The following PCSK5 variants were observed in gnomAD, a reference collection of about 807,000 sequenced individuals.
PCSK5 encodes the protein proprotein convertase subtilisin/kexin type 5.
In PCSK5, 129 loss-of-function variants were observed where a neutral mutation model predicts 233.2. The observed-to-expected ratio is 0.55, with a 90% CI of 0.48 to 0.64. PCSK5 has a LOEUF of 0.64. Ranked by LOEUF, PCSK5 falls within the 30% of genes least tolerant of loss-of-function variation. The pLI, the probability that PCSK5 is intolerant of heterozygous loss-of-function variation, is 0.00. For missense variants in PCSK5, 2,076 were observed against 2,430.1 expected, an observed-to-expected ratio of 0.85 and a Z score of 3.06; for synonymous variants, 825 against 879.2, an observed-to-expected ratio of 0.94 and a Z score of 1.09.
At chr9:76,233,158 G>A (rs1826147256) in intron 21 of PCSK5, among the ~76,000 whole-genome samples, 1 of 152,222 alleles carries the variant, frequency 6.6e-6, no homozygotes, top group East Asian at 1.9e-4. Flanking sequence ...GCTGGGTTTG[G>A]TTGGGGCCTA....
At chr9:76,195,910 G>A (rs982113663) in intron 20 of PCSK5, 5 of 151,948 alleles carry the variant, frequency 3.3e-5, no homozygotes, top group Non-Finnish European at 7.4e-5. Context: ...TCATACCCAC[G>A]TATAAACTTC....
chr9:76,180,306 C>T (rs1463772822), intron 15 of PCSK5, among the ~76,000 whole-genome samples: 2 of 152,068 alleles, frequency 1.3e-5, no homozygotes, highest in African/African-American at 2.4e-5. Flanking sequence ...ACTTATTCCT[C>T]CCATCTCACA....
At chr9:76,209,922 G>C (rs934194929) in intron 20 of PCSK5, among the ~76,000 whole-genome samples, 2 of 152,168 alleles carry the variant, frequency 1.3e-5, no homozygotes, top group Non-Finnish European at 2.9e-5. Flanking sequence ...CACAGAGGAG[G>C]CTACTTTGAG....
chr9:76,316,339 T>C (rs1234094072), intron 30 of PCSK5, among the ~76,000 whole-genome samples: 6 of 152,126 alleles, frequency 3.9e-5, no homozygotes, highest in African/African-American at 1.4e-4. Flanking sequence ...CCAAAGGTTT[T>C]GAGGTTAGCC....
chr9:76,193,138 A>G, intron 20 of PCSK5: 1 of 1,046,054 alleles, frequency 9.6e-7, no homozygotes, highest in South Asian at 1.7e-5. Context: ...CCAATTCCCC[A>G]AATCTGCCTC....
chr9:76,151,492 A>G (rs1208034550), intron 10 of PCSK5, among the ~76,000 whole-genome samples: 1 of 152,118 alleles, frequency 6.6e-6, no homozygotes, highest in African/African-American at 2.4e-5. Context: ...CCTGCTGACC[A>G]TTCACCCGAC....
chr9:76,169,036 T>A (rs1474412523), intron 12 of PCSK5, among the ~76,000 whole-genome samples: 2 of 152,238 alleles, frequency 1.3e-5, no homozygotes, highest in African/African-American at 4.8e-5. Context: ...TATGTATTAG[T>A]AGTTATTACT....
intron 2 of PCSK5, among the ~76,000 whole-genome samples, chr9:75,972,389 A>G (rs923953151): frequency 3.9e-5 from 6 of 152,196 alleles, no homozygotes; most frequent in Non-Finnish European, 8.8e-5. Flanking sequence ...TATGAATTTT[A>G]AAGAAGTTTT....
intron 5 of PCSK5, among the ~76,000 whole-genome samples, chr9:76,038,315 A>C (rs1002820582): frequency 9.9e-5 from 15 of 152,174 alleles, no homozygotes; most frequent in Admixed American, 2.0e-4. Context: ...GTTATTCCGC[A>C]GAGAAAGAGG....
chr9:75,978,869 C>T (rs1461162933), intron 2 of PCSK5, among the ~76,000 whole-genome samples: 2 of 128,072 alleles, frequency 1.6e-5, no homozygotes, highest in Non-Finnish European at 1.6e-5. Context: ...GAATGTTTCC[C>T]TTTTTTTTTT....
At chr9:76,026,136 A>G (rs1035639620) in intron 4 of PCSK5, among the ~76,000 whole-genome samples, 6 of 152,216 alleles carry the variant, frequency 3.9e-5, no homozygotes, top group Admixed American at 6.5e-5. Context: ...GAAAATTGAA[A>G]GCATATTAAA....
chr9:75,913,796 TC>T, intron 1 of PCSK5, among the ~76,000 whole-genome samples: 1 of 152,288 alleles, frequency 6.6e-6, no homozygotes. Context: ...ATTTTGGCAT[TC>T]CTTTTTTTTT....
chr9:75,965,734 T>C (rs1200420955), intron 2 of PCSK5, among the ~76,000 whole-genome samples: 1 of 152,220 alleles, frequency 6.6e-6, no homozygotes, highest in East Asian at 1.9e-4. Context: ...ATTATCATAC[T>C]GCCTATTGGT....
chr9:76,242,864 G>A (rs957231872), intron 24 of PCSK5, among the ~76,000 whole-genome samples: 1 of 152,216 alleles, frequency 6.6e-6, no homozygotes, highest in Non-Finnish European at 1.5e-5. Context: ...AGTGATGAGA[G>A]TGGGGCAAGT....
chr9:76,141,987 C>T (rs1306140605), intron 10 of PCSK5, among the ~76,000 whole-genome samples: 1 of 151,778 alleles, frequency 6.6e-6, no homozygotes, highest in South Asian at 2.1e-4. Flanking sequence ...GAGCGGGGAG[C>T]GTGGGAGGAG....
intron 3 of PCSK5, among the ~76,000 whole-genome samples, chr9:76,021,231 G>C (rs1229162685): frequency 6.6e-6 from 1 of 152,110 alleles, no homozygotes; most frequent in African/African-American, 2.4e-5. Flanking sequence ...CTTACAGTCA[G>C]GGAGACAAAA....
intron 20 of PCSK5, among the ~76,000 whole-genome samples, chr9:76,227,093 T>G (rs1436204129): frequency 6.6e-6 from 1 of 152,024 alleles, no homozygotes; most frequent in Non-Finnish European, 1.5e-5. Flanking sequence ...AAGATCTAGG[T>G]GGTTCCTGCT....
At chr9:76,061,508 T>C (rs1830026497) in intron 5 of PCSK5, among the ~76,000 whole-genome samples, 1 of 152,132 alleles carries the variant, frequency 6.6e-6, no homozygotes, top group South Asian at 2.1e-4. Flanking sequence ...TACAATGAAC[T>C]ATAAGAACAG....
At chr9:76,231,126 T>C (rs993813336) in intron 21 of PCSK5, among the ~76,000 whole-genome samples, 3 of 151,824 alleles carry the variant, frequency 2.0e-5, no homozygotes, top group Non-Finnish European at 4.4e-5. Flanking sequence ...ACTGGGAAGG[T>C]CTCAGGAATC....
Sources: gnomAD v4.1 joint callset for allele counts (sites outside exome capture counted in the v4.1 genomes callset) on GRCh38, gnomAD v4.1.1 for gene constraint, MANE v1.5 for transcripts, NCBI Gene and HGNC (gene_info 2026-07-23, HGNC 2026-07-21) for gene names.